Variants in SLC6A16 observed in about 807,000 individuals in gnomAD.
SLC6A16 encodes solute carrier family 6 member 16.
A neutral mutation model predicts 65.4 loss-of-function variants in SLC6A16; 54 were observed. That is an observed-to-expected ratio of 0.83 (90% CI 0.66 to 1.04). The LOEUF (loss-of-function observed/expected upper bound fraction) is 1.04, where lower values mean the gene tolerates loss of function less well. Among genes scored for constraint, SLC6A16 ranks in the 50% least tolerant of loss-of-function variants. The pLI is 0.00. For missense variants in SLC6A16, 816 were observed against 914.0 expected, an observed-to-expected ratio of 0.89 and a Z score of 1.38; for synonymous variants, 330 against 346.5, an observed-to-expected ratio of 0.95 and a Z score of 0.53.
intron 5 of SLC6A16, 69 bp downstream of exon 5, chr19:49,309,582 A>G: frequency 6.8e-7 from 1 of 1,465,402 alleles, no homozygotes; most frequent in African/African-American, 1.4e-5. Flanking sequence ...TAGGAGATCA[A>G]CAAGTAACAA....
the SLC6A16 span, chr19:49,335,126 T>G: frequency 3.8e-5 from 7 of 182,936 alleles, no homozygotes; most frequent in Non-Finnish European, 8.1e-5. This position sits in a 1 kb window ranked among gnomAD's most constrained non-coding sequence, Gnocchi z 4.6. Context: ...GAGGTCAGAG[T>G]GTCTGTGAGG....
At chr19:49,296,135 C>T (rs1245903717) in intron 7 of SLC6A16, among the ~76,000 whole-genome samples, 1 of 152,016 alleles carries the variant, frequency 6.6e-6, no homozygotes, top group African/African-American at 2.4e-5. Context: ...GACAGGCGTG[C>T]GCCACCATGC....
intron 7 of SLC6A16, among the ~76,000 whole-genome samples, chr19:49,299,753 T>TTA (rs1970252389): frequency 2.0e-5 from 3 of 151,610 alleles, no homozygotes; most frequent in Admixed American, 6.6e-5. Flanking sequence ...CTGGGCATGG[T>TTA]GGCTCACGCC....
At chr19:49,339,496 G>A in the SLC6A16 span, 4 of 1,534,988 alleles carry the variant, frequency 2.6e-6, no homozygotes, top group Non-Finnish European at 3.6e-6. This position sits in a 1 kb window ranked among gnomAD's most constrained non-coding sequence, Gnocchi z 4.5. Flanking sequence ...TCGGTTGCCT[G>A]GGAAGGACGA....
At chr19:49,328,286 G>C (rs1422823387), upstream of SLC6A16, among the ~76,000 whole-genome samples, 1 of 152,124 alleles carries the variant, frequency 6.6e-6, no homozygotes, top group Non-Finnish European at 1.5e-5. Context: ...GCAAAGGAGG[G>C]AAGAGCCCCT....
rs770352865 is a variant in SLC6A16, at chr19:49,290,636, G to A, written c.1910C>T (p.Pro637Leu). 8.1e-6 allele frequency: 13 copies of A among 1,613,950 alleles called. No individual in the cohort carries two copies. Among genetic ancestry groups the A allele is most frequent in the Middle Eastern group, 3.3e-4 (2 of 6,080 alleles). ...TGAGTCCCAGGACATGTAGGTGATC[G>A]GCTTCATACAAAGATGAACCATCAT... ...VTMMVHLCMK[P>L]ITYMSWDSST... The change falls in exon 11 of 12, where the codon CCG becomes CTG. Residue 637 changes from proline to leucine, a missense_variant. Pro to Leu is a moderately conservative substitution (Grantham distance 98). Transcript: ENST00000335875.
At chr19:49,308,037 A>C (rs1600633059) in intron 7 of SLC6A16, among the ~76,000 whole-genome samples, 1 of 151,440 alleles carries the variant, frequency 6.6e-6, no homozygotes, top group East Asian at 1.9e-4. Context: ...TTTTGGAATT[A>C]ATGCCTAAAA....
chr19:49,309,463 AAC>A, intron 5 of SLC6A16, 52 bp from the exon 6 acceptor site: 1 of 1,440,790 alleles, frequency 6.9e-7, no homozygotes, highest in Non-Finnish European at 9.7e-7. Flanking sequence ...GGGGTCAACC[AAC>A]AGTTAGGAGG....
chr19:49,338,905 C>A, the SLC6A16 span: 21 of 1,613,910 alleles, frequency 1.3e-5, no homozygotes, highest in African/African-American at 2.7e-5. This position sits in a 1 kb window ranked among gnomAD's most constrained non-coding sequence, Gnocchi z 5.0. Flanking sequence ...GACATCTGCG[C>A]TGTCCCTGCA....
intron 7 of SLC6A16, among the ~76,000 whole-genome samples, chr19:49,299,997 CA>C (rs889761825): frequency 0.011 from 562 of 49,006 alleles, no homozygotes; most frequent in African/African-American, 0.029. Flanking sequence ...GACTCTGTCT[CA>C]AAAAAAAAAA....
At chr19:49,290,542 A>G (rs1207120317) in intron 11 of SLC6A16, 63 bp downstream of exon 11, 1 of 1,589,716 alleles carries the variant, frequency 6.3e-7, no homozygotes, top group East Asian at 2.2e-5. Context: ...TCTTTCACCC[A>G]GAGTGAATTG....
At chr19:49,336,047 A>C in the SLC6A16 span, 4 of 522,394 alleles carry the variant, frequency 7.7e-6, no homozygotes, top group Non-Finnish European at 1.4e-5. Context: ...GCCCCCACAA[A>C]CCTTCCCCTC....
intron 7 of SLC6A16, among the ~76,000 whole-genome samples, chr19:49,300,461 A>G (rs1970267754): frequency 6.6e-6 from 1 of 152,228 alleles, no homozygotes; most frequent in Non-Finnish European, 1.5e-5. Context: ...TTAGACATCG[A>G]TAAATTAAGA....
upstream of SLC6A16, among the ~76,000 whole-genome samples, chr19:49,327,079 A>C (rs1370422526): frequency 6.9e-6 from 1 of 145,048 alleles, no homozygotes; most frequent in East Asian, 2.0e-4. Context: ...TTTCTATCGA[A>C]TTTTTTTTTT....
the SLC6A16 span, among the ~76,000 whole-genome samples, chr19:49,330,703 A>C: frequency 6.6e-6 from 1 of 152,178 alleles, no homozygotes; most frequent in Non-Finnish European, 1.5e-5. Context: ...GGACTTTGGG[A>C]GGCCAAGGTG....
chr19:49,300,553 G>GAA (rs373759967), intron 7 of SLC6A16, among the ~76,000 whole-genome samples: 1 of 146,530 alleles, frequency 6.8e-6, no homozygotes, highest in African/African-American at 2.5e-5. Context: ...ACTAGTGGAG[G>GAA]AAAAAAAAAA....
intron 1 of SLC6A16, among the ~76,000 whole-genome samples, chr19:49,316,604 A>G (rs1479841773): frequency 6.6e-6 from 1 of 152,214 alleles, no homozygotes; most frequent in Non-Finnish European, 1.5e-5. Context: ...TGAAGGGACC[A>G]GGGCAGACTA....
chr19:49,301,981 G>A (rs150996170), intron 7 of SLC6A16, among the ~76,000 whole-genome samples: 37 of 152,308 alleles, frequency 2.4e-4, no homozygotes, highest in Admixed American at 7.2e-4. Flanking sequence ...CCCCGCGGCT[G>A]CATGTGCACA....
chr19:49,302,097 C>T (rs1035046064), intron 7 of SLC6A16, among the ~76,000 whole-genome samples: 1 of 152,214 alleles, frequency 6.6e-6, no homozygotes, highest in Non-Finnish European at 1.5e-5. Context: ...CTGTCAGGCC[C>T]CACTGCCACA....
Sources: gnomAD v4.1 joint callset for allele counts (sites outside exome capture counted in the v4.1 genomes callset) on GRCh38, gnomAD v4.1.1 for gene constraint, Gnocchi (gnomAD v3.1) non-coding constraint, MANE v1.5 for transcripts, NCBI Gene and HGNC (gene_info 2026-07-23, HGNC 2026-07-21) for gene names.